Variants in PACRG observed in about 807,000 individuals in gnomAD.
The protein encoded by PACRG is parkin coregulated gene protein.
Under a neutral mutation model 29.7 loss-of-function variants are expected in PACRG, and 29 were observed. The ratio of observed to expected loss-of-function variants is 0.98; its 90% confidence interval spans 0.73 to 1.33. The LOEUF is 1.33. Ranked by LOEUF, PACRG falls within the 40% of genes most tolerant of loss-of-function variation. The pLI is 0.00. For missense variants in PACRG, 279 were observed against 316.2 expected, an observed-to-expected ratio of 0.88 and a Z score of 0.89; for synonymous variants, 116 against 118.7, an observed-to-expected ratio of 0.98 and a Z score of 0.15.
At chr6:162,750,811 G>A (rs932561813) in intron 1 of PACRG, among the ~76,000 whole-genome samples, 10 of 152,168 alleles carry the variant, frequency 6.6e-5, no homozygotes, top group African/African-American at 2.4e-4. Flanking sequence ...CAGATGGTAG[G>A]TAGTTTTGTA....
chr6:163,261,914 G>A (rs1210729824), intron 4 of PACRG, among the ~76,000 whole-genome samples: 1 of 152,068 alleles, frequency 6.6e-6, no homozygotes, highest in African/African-American at 2.4e-5. Context: ...AGGATCACCC[G>A]GGGTCCTGGA....
chr6:163,164,115 T>A (rs1324344580), intron 4 of PACRG, among the ~76,000 whole-genome samples: 2 of 152,074 alleles, frequency 1.3e-5, no homozygotes, highest in African/African-American at 4.8e-5. Flanking sequence ...TTAAAAAAAA[T>A]AAGATGTAAA....
At chr6:162,727,274 A>C, upstream of PACRG, 1 of 204,096 alleles carries the variant, frequency 4.9e-6, no homozygotes, top group Non-Finnish European at 9.3e-6. Context: ...ACAACCGGCC[A>C]GTGAGGTGAG....
intron 2 of PACRG, among the ~76,000 whole-genome samples, chr6:163,047,043 G>C (rs1007624735): frequency 3.3e-5 from 5 of 152,102 alleles, no homozygotes; most frequent in Admixed American, 3.3e-4. Context: ...CTACTTATTT[G>C]GTCGAGTGTA....
At chr6:162,903,655 A>G (rs966304853) in intron 2 of PACRG, among the ~76,000 whole-genome samples, 19 of 152,214 alleles carry the variant, frequency 1.2e-4, no homozygotes, top group African/African-American at 4.1e-4. Context: ...CCCTCCCTCA[A>G]CATGTGGAAA....
At chr6:162,940,715 G>C (rs992374397) in intron 2 of PACRG, among the ~76,000 whole-genome samples, 1 of 152,174 alleles carries the variant, frequency 6.6e-6, no homozygotes, top group Admixed American at 6.5e-5. Flanking sequence ...GCAAGTGACA[G>C]TTGCTTTTTC....
At chr6:163,033,311 T>TCTCCAGCG (rs1807841945) in intron 2 of PACRG, among the ~76,000 whole-genome samples, 2 of 152,212 alleles carry the variant, frequency 1.3e-5, no homozygotes, top group Non-Finnish European at 2.9e-5. Context: ...GGTCTGACTC[T>TCTCCAGCG]CTCCAGCGTT....
At chr6:163,099,273 G>A (rs1814870124) in intron 4 of PACRG, among the ~76,000 whole-genome samples, 1 of 152,140 alleles carries the variant, frequency 6.6e-6, no homozygotes, top group South Asian at 2.1e-4. Flanking sequence ...CTGGGAACTG[G>A]CACATTTCCC....
intron 4 of PACRG, among the ~76,000 whole-genome samples, chr6:163,271,418 T>C (rs1447692839): frequency 6.6e-6 from 1 of 151,874 alleles, no homozygotes; most frequent in African/African-American, 2.4e-5. Context: ...AATCTTTTTC[T>C]TTTCATTGCT....
intron 4 of PACRG, among the ~76,000 whole-genome samples, chr6:163,214,462 A>G (rs1253799018): frequency 2.6e-5 from 4 of 152,116 alleles, no homozygotes; most frequent in African/African-American, 9.6e-5. Context: ...TTATACTTTT[A>G]AAGTATGACA....
chr6:163,078,434 C>T (rs1202734516), intron 3 of PACRG, among the ~76,000 whole-genome samples: 1 of 146,156 alleles, frequency 6.8e-6, no homozygotes. Flanking sequence ...ACCCGGGAGA[C>T]GGAGGTTGCA....
intron 3 of PACRG, among the ~76,000 whole-genome samples, chr6:163,062,851 G>A (rs939013404): frequency 6.6e-6 from 1 of 152,198 alleles, no homozygotes; most frequent in Admixed American, 6.5e-5. Context: ...TCTGTGAAAT[G>A]AGATTGTCCT....
chr6:163,008,150 A>G (rs938873152), intron 2 of PACRG, among the ~76,000 whole-genome samples: 2 of 152,040 alleles, frequency 1.3e-5, no homozygotes, highest in African/African-American at 4.8e-5. Flanking sequence ...TTAGAGTCCA[A>G]GTTTTTCCAT....
intron 4 of PACRG, among the ~76,000 whole-genome samples, chr6:163,150,410 G>T (rs1363268507): frequency 6.6e-6 from 1 of 152,110 alleles, no homozygotes; most frequent in African/African-American, 2.4e-5. Context: ...TGTCCCTCTG[G>T]GACCTTACCT....
At chr6:162,727,344 T>C, upstream of PACRG, 2 of 293,812 alleles carry the variant, frequency 6.8e-6, no homozygotes, top group South Asian at 5.8e-5. Context: ...GGAGAAGGCT[T>C]CGGGACCCCA....
chr6:162,834,871 A>G (rs921168769), intron 2 of PACRG, among the ~76,000 whole-genome samples: 1 of 152,020 alleles, frequency 6.6e-6, no homozygotes, highest in Non-Finnish European at 1.5e-5. Flanking sequence ...CTAATGTAAA[A>G]CTTGATAATA....
At chr6:163,275,069 TCA>T (rs1783979913) in intron 4 of PACRG, among the ~76,000 whole-genome samples, 2 of 152,024 alleles carry the variant, frequency 1.3e-5, no homozygotes, top group African/African-American at 4.8e-5. Flanking sequence ...AGACGGGGTT[TCA>T]CCATTTTGGT....
chr6:163,007,610 G>A (rs1406582490), intron 2 of PACRG, among the ~76,000 whole-genome samples: 1 of 152,166 alleles, frequency 6.6e-6, no homozygotes, highest in Non-Finnish European at 1.5e-5. Context: ...TCCAGGCAGT[G>A]AGCTGGGCAG....
At chr6:162,902,244 T>C (rs1247225928) in intron 2 of PACRG, among the ~76,000 whole-genome samples, 3 of 152,238 alleles carry the variant, frequency 2.0e-5, no homozygotes, top group Admixed American at 2.0e-4. Context: ...TTACATGTGA[T>C]TATAGCTTTG....
Sources: allele counts gnomAD v4.1 joint callset (sites outside exome capture counted in the v4.1 genomes callset), GRCh38; gene constraint gnomAD v4.1.1; transcripts MANE v1.5; gene names NCBI Gene and HGNC (gene_info 2026-07-23, HGNC 2026-07-21).